The following MYO1A variants were observed in gnomAD, a reference collection of about 807,000 sequenced individuals.
MYO1A encodes unconventional myosin-Ia.
In MYO1A, 127 loss-of-function variants were observed where a neutral mutation model predicts 138.5. That is an observed-to-expected ratio of 0.92 (90% CI 0.79 to 1.06). MYO1A has a LOEUF of 1.06. Among genes scored for constraint, MYO1A ranks in the 50% least tolerant of loss-of-function variants. MYO1A has a pLI of 0.00. For synonymous variants in MYO1A, 477 were observed against 497.5 expected (o/e 0.96, Z 0.55); for missense variants, 1,211 against 1,288.8 (o/e 0.94, Z 0.92).
Position 57,030,380 on chromosome 12 carries a change from T to C in MYO1A, c.2485-64A>G, listed in dbSNP as rs1383592459. 2.3e-6 allele frequency: 3 copies of C among 1,292,098 alleles called. No individual in the cohort carries two copies. The East Asian group carries it at 6.9e-5, about 30-fold the overall frequency. 80.0% of individuals were successfully genotyped at this position (1,292,098 alleles called of 1,614,324 possible). On this transcript the variant is annotated intron_variant, in intron 23 of 27. Coordinates refer to ENST00000300119, the MANE Select transcript of MYO1A (RefSeq NM_005379.4). ...GGGAGGGCAGGGCTGGGGAGGGAGGTGAGAAATATTGACTAGAAGACACTA... is the reference window on the plus strand; with the variant it reads ...GGGAGGGCAGGGCTGGGGAGGGAGGCGAGAAATATTGACTAGAAGACACTA...
intron 26 of MYO1A, 54 bp from the exon 27 acceptor site, chr12:57,029,313 C>T (rs2030141903): frequency 2.5e-6 from 4 of 1,613,444 alleles, no homozygotes; most frequent in Non-Finnish European, 3.4e-6. Context: ...TCTTCAGGAG[C>T]ACCTGAGGGA....
Position 57,028,586 on chromosome 12 carries a change from A to T in MYO1A, c.*169T>A. On this transcript the variant is annotated 3_prime_UTR_variant, in exon 28 of 28. Transcript: ENST00000300119. The stretch of plus-strand genomic sequence containing the variant: ...GCGGGTTGGAGGAAGCTACTTTTGG[A>T]GGAGAGAACAAGAAGGGTTTGGGAC... 1.2e-6 allele frequency: 1 copy of T among 852,388 alleles called. No individual in the cohort carries two copies. The highest frequency in any genetic ancestry group is 1.8e-6 in the Non-Finnish European group (1 of 558,542). 52.8% of individuals were successfully genotyped at this position (852,388 alleles called of 1,614,324 possible).
chr12:57,050,093 C>T lies in MYO1A; in HGVS notation c.-227G>A, dbSNP rs894383139. On this transcript the variant is annotated 5_prime_UTR_variant, in exon 1 of 28. Transcript: ENST00000300119. The stretch of plus-strand genomic sequence containing the variant: ...CTGATTTTCCCTTTTGCTGCCTCTT[C>T]CAGCCCAGGCTCCCTGTGCCAGTCA... 5 of 152,622 alleles carry T rather than the reference C, an allele frequency of 3.3e-5. No individual in the cohort carries two copies. The highest frequency in any genetic ancestry group is 1.2e-4 in the African/African-American group (5 of 41,460). The allele number at this position is 152,622 out of a possible 1,614,324, so 9.5% of individuals were successfully genotyped here.
chr12:57,044,193 C>T lies in MYO1A; in HGVS notation c.657G>A (p.Glu219=). ...GATAGGCATAGCCAGTTGTATCCCG[C>T]TCAAGCTTCAGGGCCTCTGGGAGGG... ...DEQLLKALKL[E]RDTTGYAYLN... Residue 219 remains glutamate (E), a synonymous_variant, in exon 9 of 28, where the codon GAG becomes GAA. Transcript: ENST00000300119. 1 of 1,614,088 alleles carries T rather than the reference C, an allele frequency of 6.2e-7. No individual in the cohort carries two copies. The highest frequency in any genetic ancestry group is 8.5e-7 in the Non-Finnish European group (1 of 1,180,020).
rs781131982 is a variant in MYO1A at position 57,047,674 on chromosome 12, C to T, written c.278G>A (p.Arg93Gln). Reference protein sequence around the residue: ...VAYQSLRDRDRDQCILITGES... With the variant: ...VAYQSLRDRDQDQCILITGES... ...GCCTGTGATGAGGATACACTGGTCT[C>T]GGTCCCTGTCCCTCAGTGACTGGTA... Residue 93 changes from arginine (R) to glutamine (Q), a missense_variant, in exon 4 of 28, where the codon CGA becomes CAA. Transcript: ENST00000300119. 7.3e-5 allele frequency: 118 copies of T among 1,614,240 alleles called. No homozygotes were observed. Among genetic ancestry groups the T allele is most frequent in the Middle Eastern group, 5.0e-4 (3 of 6,060 alleles).
intron 17 of MYO1A, 134 bp from the exon 18 acceptor site, chr12:57,038,203 C>T (rs1355962301): frequency 8.7e-7 from 1 of 1,148,820 alleles, no homozygotes; most frequent in Non-Finnish European, 1.3e-6. Context: ...CTGGCCTCCC[C>T]AGTTTCACTC....
At position 57,028,769 on chromosome 12, in the gene MYO1A, C is replaced by T; in HGVS notation, c.3118G>A (p.Val1040Met). 2 of 1,614,124 alleles carry T rather than the reference C, an allele frequency of 1.2e-6. No individual in the cohort carries two copies. The highest frequency in any genetic ancestry group is 2.2e-5 in the East Asian group (1 of 44,880). ...YKKKGSHCLE[V>M]TVQ ...GTGCCCCCTCCTCACTGCACAGTCA[C>T]CTCCAAGCAATGACTCCCCTTTTTT... is the stretch of plus-strand genomic sequence containing the variant. Residue 1040 changes from valine (V) to methionine (M), a missense_variant, in exon 28 of 28, where the codon GTG becomes ATG. Coordinates refer to ENST00000300119, the MANE Select transcript of MYO1A (RefSeq NM_005379.4).
chr12:57,043,697 C>A (rs1057024594), intron 10 of MYO1A, among the ~76,000 whole-genome samples, 159 bp downstream of exon 10: 1 of 152,134 alleles, frequency 6.6e-6, no homozygotes, highest in Non-Finnish European at 1.5e-5. Context: ...TATGCTTCAT[C>A]GGGAGTTCTC....
chr12:57,041,448 C>A lies in MYO1A; in HGVS notation c.1148G>T (p.Gly383Val). The A allele has an allele frequency of 6.2e-7, 1 of 1,613,600 alleles. No individual in the cohort carries two copies. Among genetic ancestry groups the A allele is most frequent in the Non-Finnish European group, 8.5e-7 (1 of 1,179,542 alleles). Residue 383 changes from glycine to valine, a missense_variant, in exon 13 of 28, where the codon GGT becomes GTT. Coordinates refer to ENST00000300119, the MANE Select transcript of MYO1A (RefSeq NM_005379.4). ...CACTCTCACCTCTAATATCTCAAAA[C>A]CGTAGATATCAAGGACTCCCATTAC... ...KKVMGVLDIY[G>V]FEILEDNSFE...
At chr12:57,030,349 T>C in intron 23 of MYO1A, 33 bp from the exon 24 acceptor site, 2 of 1,556,026 alleles carry the variant, frequency 1.3e-6, no homozygotes, top group Non-Finnish European at 1.8e-6. Flanking sequence ...GCTAAAATCA[T>C]AGAGTGGGAG....
rs763295664 is a variant in MYO1A, at chr12:57,036,843, G to A, written c.2206-3C>T. 8 of 1,614,090 alleles carry A rather than the reference G, an allele frequency of 5.0e-6. No individual in the cohort carries two copies. In the African/African-American group the frequency reaches 1.1e-4, roughly 22 times the overall value. ...ATCTTCCCATAGCATTTCTTTTGCT[G>A]TAGAAAACATAGGAGTTGTTAGAAA... On this transcript the variant is annotated splice_region_variant and splice_polypyrimidine_tract_variant and intron_variant, in intron 20 of 27. Transcript: ENST00000300119.
intron 3 of MYO1A, 119 bp downstream of exon 3, chr12:57,047,870 G>C (rs530433901): frequency 6.4e-7 from 1 of 1,559,358 alleles, no homozygotes; most frequent in South Asian, 1.2e-5. Context: ...CCTCCAGAAG[G>C]CCAGGGAAGG....
rs1371580040 is a variant in MYO1A, at chr12:57,029,542, T to TGAGAATCACATGGCCCTTGGTCAGGAG, written c.2743_2769dup (p.Leu915_Leu923dup). The TGAGAATCACATGGCCCTTGGTCAGGAG allele has an allele frequency of 6.2e-7, 1 of 1,614,032 alleles. No homozygotes were observed. The highest frequency in any genetic ancestry group is 1.1e-5 in the South Asian group (1 of 91,084). ...TTGGCCTGGGACTTCTTGGTGTCTG[T>TGAGAATCACATGGCCCTTGGTCAGGAG]GAGAATCACATGGCCCTTGGTCAGG... On this transcript the variant is annotated inframe_insertion, in exon 26 of 28. Transcript: ENST00000300119.
chr12:57,030,352 A>C, intron 23 of MYO1A, 36 bp from the exon 24 acceptor site: 11 of 952,164 alleles, frequency 1.2e-5, no homozygotes, highest in Non-Finnish European at 1.8e-5. Flanking sequence ...AAAATCATAG[A>C]GTGGGAGGGC....
At position 57,046,597 on chromosome 12, in the gene MYO1A, G is replaced by A. The variant is rs1205552730; in HGVS notation, c.595C>T (p.His199Tyr). 1.2e-6 allele frequency: 2 copies of A among 1,614,090 alleles called. No homozygotes were observed. The highest frequency in any genetic ancestry group is 8.5e-7 in the Non-Finnish European group (1 of 1,180,016). ...VKQLKGERNF[H>Y]IFYQLLAGAD... is the part of the protein sequence containing the mutation. ...CCAGCCAGCAGCTGATAGAAGATGTGGAAGTTCCTTTCTCCTTTGAGCTGC... is the reference window on the plus strand; with the variant it reads ...CCAGCCAGCAGCTGATAGAAGATGTAGAAGTTCCTTTCTCCTTTGAGCTGC... The change falls in exon 8 of 28, where the codon CAC becomes TAC. Residue 199 changes from histidine to tyrosine, a missense_variant. Coordinates refer to ENST00000300119, the MANE Select transcript of MYO1A (RefSeq NM_005379.4).
In MYO1A at chr12:57,028,847, C is replaced by G. The variant is rs2030109461; in HGVS notation, c.3040G>C (p.Val1014Leu). 6.2e-7 allele frequency: 1 copy of G among 1,613,970 alleles called. No homozygotes were observed. ...CCTGCAGGGCCCTGGACGACCTTGA[C>G]AGCCACACTGTTCTCCTTGAACCTC... Reference protein sequence around the residue: ...SVRFKENSVAVKVVQGPAGGD... With the variant: ...SVRFKENSVALKVVQGPAGGD... Residue 1014 changes from valine (V) to leucine (L), a missense_variant, in exon 28 of 28, where the codon GTC becomes CTC. Transcript: ENST00000300119.
upstream of MYO1A, chr12:57,050,783 C>T (rs4759273): frequency 0.04 from 6,024 of 152,250 alleles, 154 homozygotes; most frequent in Non-Finnish European, 0.058. Flanking sequence ...TGAATAGCAC[C>T]ACCCCGAGGA....
chr12:57,041,670 A>T (rs1363382455), intron 12 of MYO1A, among the ~76,000 whole-genome samples, 173 bp from the exon 13 acceptor site: 2 of 152,212 alleles, frequency 1.3e-5, no homozygotes, highest in Non-Finnish European at 2.9e-5. Context: ...CTAGAGAACA[A>T]GCAAAGAGGG....
intron 22 of MYO1A, among the ~76,000 whole-genome samples, chr12:57,033,523 AT>A (rs1256139325): frequency 1.3e-5 from 2 of 151,878 alleles, no homozygotes; most frequent in Non-Finnish European, 2.9e-5. Context: ...CACCCACCTA[AT>A]TTTTAAATTT....
Sources: gnomAD v4.1 joint callset for allele counts (sites outside exome capture counted in the v4.1 genomes callset) on GRCh38, gnomAD v4.1.1 for gene constraint, MANE v1.5 for transcripts, NCBI Gene and HGNC (gene_info 2026-07-23, HGNC 2026-07-21) for gene names.